Variants in CEP72 observed in about 807,000 individuals in gnomAD.
The protein encoded by CEP72 is centrosomal protein of 72 kDa.
In CEP72, 78 loss-of-function variants were observed where a neutral mutation model predicts 65.7. The ratio of observed to expected loss-of-function variants is 1.19; its 90% CI spans 0.99 to 1.43. CEP72 has a LOEUF of 1.43. Ranked by LOEUF, CEP72 falls within the 40% of genes most tolerant of loss-of-function variation. CEP72 has a pLI of 0.00. For synonymous variants in CEP72, 358 were observed against 351.7 expected, an observed-to-expected ratio of 1.02 and a Z score of -0.20; for missense variants, 914 against 832.9, an observed-to-expected ratio of 1.10 and a Z score of -1.20.
chr5:670,206 C>G (rs1365706673), downstream of CEP72, among the ~76,000 whole-genome samples: 1 of 152,176 alleles, frequency 6.6e-6, no homozygotes, highest in Non-Finnish European at 1.5e-5. Context: ...GGGCGGACGT[C>G]ACAGGCCCCG....
chr5:661,355 C>T (rs1561074463), downstream of CEP72: 1 of 152,282 alleles, frequency 6.6e-6, no homozygotes, highest in Non-Finnish European at 1.5e-5. Flanking sequence ...TGGTGTCACC[C>T]ATGATAGAAC....
chr5:638,661 A>C (rs1229396354), intron 7 of CEP72, among the ~76,000 whole-genome samples: 1 of 152,034 alleles, frequency 6.6e-6, no homozygotes, highest in East Asian at 1.9e-4. Context: ...GGTCTGTTTC[A>C]GGGTTATTGT....
chr5:674,695 G>A, the CEP72 span, among the ~76,000 whole-genome samples: 11 of 152,034 alleles, frequency 7.2e-5, no homozygotes, highest in South Asian at 2.1e-4. Context: ...GGCCCACACC[G>A]CATGGCCCGC....
chr5:620,581 A>G (rs753290914), intron 3 of CEP72, among the ~76,000 whole-genome samples: 2 of 152,170 alleles, frequency 1.3e-5, no homozygotes, highest in African/African-American at 4.8e-5. Context: ...GTTCCTGAAC[A>G]TCTCCTGTCC....
the CEP72 span, among the ~76,000 whole-genome samples, chr5:673,677 G>A: frequency 6.6e-6 from 1 of 152,222 alleles, no homozygotes; most frequent in Non-Finnish European, 1.5e-5. Flanking sequence ...CTCATGGTCA[G>A]CCAAGGCTGG....
the CEP72 span, among the ~76,000 whole-genome samples, chr5:674,332 G>A: frequency 4.1e-5 from 6 of 145,096 alleles, no homozygotes; most frequent in Non-Finnish European, 8.9e-5. Context: ...GGACACCTGA[G>A]GGGGAGGAGG....
chr5:644,187 T>A, intron 9 of CEP72, 112 bp from the exon 10 acceptor site: 1 of 1,210,428 alleles, frequency 8.3e-7, no homozygotes, highest in Non-Finnish European at 1.2e-6. Context: ...ACATCGTGAC[T>A]CCCAAGTATG....
chr5:651,839 T>G (rs1378872439), intron 11 of CEP72, among the ~76,000 whole-genome samples: 2 of 93,504 alleles, frequency 2.1e-5, no homozygotes, highest in African/African-American at 8.4e-5. Context: ...TTTCATTCCC[T>G]CTTCCTTTCC....
intron 4 of CEP72, among the ~76,000 whole-genome samples, chr5:632,961 G>A (rs1372437711): frequency 1.0e-5 from 1 of 100,234 alleles, no homozygotes; most frequent in African/African-American, 5.2e-5. Context: ...GTCCAGTGCC[G>A]GGATTTAGAC....
chr5:665,666 C>T (rs557188772), intron 3 of CEP72, among the ~76,000 whole-genome samples: 3 of 141,888 alleles, frequency 2.1e-5, no homozygotes, highest in South Asian at 2.4e-4. Context: ...CAGGCCACGC[C>T]GACCTGGCCA....
chr5:658,790 T>C (rs1324427657), downstream of CEP72, among the ~76,000 whole-genome samples: 1 of 149,928 alleles, frequency 6.7e-6, no homozygotes, highest in Non-Finnish European at 1.5e-5. Flanking sequence ...TGCCTCAGCC[T>C]CCCGAGTAGC....
chr5:659,066 C>T (rs139430308), downstream of CEP72, among the ~76,000 whole-genome samples: 366 of 152,354 alleles, frequency 2.4e-3, no homozygotes, highest in African/African-American at 8.3e-3. Context: ...TTCACTTTTG[C>T]CACTTTTGGA....
At chr5:650,350 GGACTGTGAGGTGT>G (rs1738920877) in intron 11 of CEP72, among the ~76,000 whole-genome samples, 1 of 99,376 alleles carries the variant, frequency 1.0e-5, no homozygotes, top group African/African-American at 5.1e-5. Context: ...TGTGAGGCGT[GGACTGTGAGGTGT>G]GACTGTGAGG....
intron 10 of CEP72, 49 bp from the exon 11 acceptor site, chr5:647,756 T>A: frequency 8.4e-7 from 1 of 1,191,738 alleles, no homozygotes; most frequent in Non-Finnish European, 1.2e-6. Context: ...CAAAATGTAT[T>A]AATGAGTTTT....
intron 4 of CEP72, among the ~76,000 whole-genome samples, chr5:629,490 C>T (rs1342210602): frequency 4.9e-4 from 58 of 118,758 alleles, no homozygotes; most frequent in African/African-American, 1.8e-3. Context: ...CTGTCCAGTG[C>T]CGGGATTTGG....
At chr5:617,662 T>C (rs1278636623) in intron 1 of CEP72, among the ~76,000 whole-genome samples, 1 of 152,232 alleles carries the variant, frequency 6.6e-6, no homozygotes, top group Non-Finnish European at 1.5e-5. Flanking sequence ...GCTGTTTAGC[T>C]GCACCTGAGA....
downstream of CEP72, among the ~76,000 whole-genome samples, chr5:654,328 G>A (rs1312982978): frequency 6.8e-6 from 1 of 147,012 alleles, no homozygotes; most frequent in South Asian, 2.2e-4. Context: ...ACGCTTGTGT[G>A]TGCGCTGTGT....
intron 4 of CEP72, among the ~76,000 whole-genome samples, chr5:631,646 C>A (rs372145587): frequency 8.9e-4 from 24 of 27,026 alleles, no homozygotes; most frequent in African/African-American, 1.8e-3. Flanking sequence ...CGGGATTTGG[C>A]CCAGTCCTGG....
intron 9 of CEP72, chr5:641,533 C>G: frequency 1.0e-6 from 1 of 982,490 alleles, no homozygotes; most frequent in Non-Finnish European, 1.2e-6. Flanking sequence ...AAGAAAAACA[C>G]AGCAAAACAA....
Sources: allele counts gnomAD v4.1 joint callset (sites outside exome capture counted in the v4.1 genomes callset), GRCh38; gene constraint gnomAD v4.1.1; transcripts MANE v1.5; gene names NCBI Gene and HGNC (gene_info 2026-07-23, HGNC 2026-07-21).